IL1RAPL1: variants seen among roughly 807,000 people sequenced by gnomAD.
IL1RAPL1 encodes the protein interleukin 1 receptor accessory protein like 1.
A neutral mutation model predicts 48.4 loss-of-function variants in IL1RAPL1; 3 were observed. That is an observed-to-expected ratio of 0.06 (90% confidence interval 0.03 to 0.16). IL1RAPL1 has a LOEUF of 0.16. IL1RAPL1 is among the 10% of genes least tolerant of loss of function. IL1RAPL1 has a pLI of 1.00. For missense variants in IL1RAPL1, 349 were observed against 530.6 expected, an observed-to-expected ratio of 0.66 and a Z score of 3.36; for synonymous variants, 185 against 187.7, an observed-to-expected ratio of 0.99 and a Z score of 0.12.
At chrX:29,335,490 ACT>A (rs1449561478) in intron 3 of IL1RAPL1, among the ~76,000 whole-genome samples, 4 of 109,166 alleles carry the variant, frequency 3.7e-5, no homozygotes, top group African/African-American at 1.3e-4. Flanking sequence ...AAATGAAACA[ACT>A]CTTTATCTAT....
In IL1RAPL1 at chrX:29,482,137, A is replaced by G. The variant is rs190926281; in HGVS notation, c.703+82829A>G. ...TTAAAAAACCATCCATGTTCCTTCTACTCATCATTAACCACTATGAACTTG... is the reference window on the plus strand; with the variant it reads ...TTAAAAAACCATCCATGTTCCTTCTGCTCATCATTAACCACTATGAACTTG... On this transcript the variant is annotated intron_variant, in intron 5 of 10. Transcript: ENST00000378993. 2.6e-4 allele frequency among the ~76,000 whole-genome samples: 29 copies of G among 112,112 alleles called. 1 individual carries two copies. The East Asian group carries it at 7.6e-3, about 29-fold the overall frequency.
chrX:29,463,232 A>T, intron 5 of IL1RAPL1, among the ~76,000 whole-genome samples: 1 of 111,688 alleles, frequency 9.0e-6, no homozygotes, highest in Non-Finnish European at 1.9e-5. Context: ...CCAAAGAAAG[A>T]TAGACAAATA....
At chrX:29,599,651 A>C (rs958754662) in intron 5 of IL1RAPL1, among the ~76,000 whole-genome samples, 3 of 112,422 alleles carry the variant, frequency 2.7e-5, no homozygotes, top group Non-Finnish European at 5.6e-5. Context: ...CAAGAACACC[A>C]ATTATTCTTA....
chrX:29,372,590 A>G (rs769568384), intron 3 of IL1RAPL1, among the ~76,000 whole-genome samples: 35 of 110,943 alleles, frequency 3.2e-4, no homozygotes, highest in African/African-American at 1.0e-3. Context: ...TAATTTTTGC[A>G]TATGGTGAAA....
At chrX:28,614,225 A>C (rs1481337822) in intron 1 of IL1RAPL1, among the ~76,000 whole-genome samples, 1 of 111,745 alleles carries the variant, frequency 8.9e-6, no homozygotes, top group Non-Finnish European at 1.9e-5. Context: ...TTAAAGAAAT[A>C]TGAAATGCAT....
At chrX:29,429,872 GTA>G (rs1200651796) in intron 5 of IL1RAPL1, among the ~76,000 whole-genome samples, 10 of 82,944 alleles carry the variant, frequency 1.2e-4, no homozygotes, top group African/African-American at 4.9e-4. Context: ...TAATTATAGT[GTA>G]TATATATGTG....
chrX:29,509,146 TAAGAC>T (rs1343588364), intron 5 of IL1RAPL1, among the ~76,000 whole-genome samples: 19 of 112,030 alleles, frequency 1.7e-4, no homozygotes, highest in African/African-American at 5.2e-4. Flanking sequence ...TGGTGGCTGA[TAAGAC>T]AAGTTCAAAA....
At chrX:29,938,771 T>G (rs1270804241) in intron 8 of IL1RAPL1, among the ~76,000 whole-genome samples, 1 of 112,131 alleles carries the variant, frequency 8.9e-6, no homozygotes, top group Non-Finnish European at 1.9e-5. Context: ...GAATCTATTT[T>G]CTGATTTATG....
At chrX:28,964,432 A>G (rs1039606927) in intron 2 of IL1RAPL1, among the ~76,000 whole-genome samples, 2 of 111,646 alleles carry the variant, frequency 1.8e-5, no homozygotes, top group East Asian at 5.6e-4. Flanking sequence ...CACGAAATTA[A>G]CCATTCATTT....
At chrX:29,686,862 G>A (rs1025462590) in intron 6 of IL1RAPL1, among the ~76,000 whole-genome samples, 6 of 110,137 alleles carry the variant, frequency 5.4e-5, no homozygotes, top group Non-Finnish European at 9.5e-5. Context: ...CCAGCCTAAA[G>A]TTTAATTTAT....
chrX:29,362,020 T>A (rs1171407565), intron 3 of IL1RAPL1, among the ~76,000 whole-genome samples: 1 of 112,310 alleles, frequency 8.9e-6, no homozygotes, highest in Non-Finnish European at 1.9e-5. Flanking sequence ...AGTGATATTA[T>A]GTCAACACTA....
At chrX:29,695,626 G>GAA (rs1484338020) in intron 6 of IL1RAPL1, among the ~76,000 whole-genome samples, 1 of 108,433 alleles carries the variant, frequency 9.2e-6, no homozygotes, top group Non-Finnish European at 1.9e-5. Flanking sequence ...GAGAGAGAGA[G>GAA]AAACAGAGAG....
chrX:28,669,638 A>ATATATAACTTATATATATAAATTATT (rs1934924708), intron 1 of IL1RAPL1, among the ~76,000 whole-genome samples: 1 of 103,636 alleles, frequency 9.6e-6, no homozygotes, highest in Non-Finnish European at 1.9e-5. Context: ...TTATATATAT[A>ATATATAACTTATATATATAAATTATT]TATATAACTT....
chrX:28,721,217 T>A (rs1176058704), intron 1 of IL1RAPL1, among the ~76,000 whole-genome samples: 6 of 111,749 alleles, frequency 5.4e-5, no homozygotes, highest in African/African-American at 1.3e-4. Flanking sequence ...CCAACAGTGT[T>A]AAAGTGTTCC....
chrX:28,787,426 A>G (rs1225835632), intron 1 of IL1RAPL1, among the ~76,000 whole-genome samples: 1 of 111,553 alleles, frequency 9.0e-6, no homozygotes, highest in African/African-American at 3.3e-5. Flanking sequence ...TCAGATTTGT[A>G]CTTTAATGTG....
intron 3 of IL1RAPL1, among the ~76,000 whole-genome samples, chrX:29,395,390 A>T (rs1933908728): frequency 8.9e-6 from 1 of 111,884 alleles, no homozygotes; most frequent in Non-Finnish European, 1.9e-5. Flanking sequence ...ATCAGTGTTC[A>T]TTGAATGTCC....
intron 5 of IL1RAPL1, among the ~76,000 whole-genome samples, chrX:29,583,224 C>T (rs1314103458): frequency 1.5e-5 from 1 of 64,822 alleles, no homozygotes; most frequent in Non-Finnish European, 2.9e-5. Flanking sequence ...CCAGGGCAAT[C>T]AGGCAGGAGA....
At chrX:28,598,199 A>G (rs1189156923) in intron 1 of IL1RAPL1, among the ~76,000 whole-genome samples, 1 of 112,519 alleles carries the variant, frequency 8.9e-6, no homozygotes, top group East Asian at 2.8e-4. Context: ...TTTATTTCTA[A>G]CAAGTGTGAA....
At chrX:29,929,488 T>C (rs1932921652) in intron 8 of IL1RAPL1, among the ~76,000 whole-genome samples, 1 of 111,936 alleles carries the variant, frequency 8.9e-6, no homozygotes, top group Non-Finnish European at 1.9e-5. Context: ...TTTTTACACA[T>C]TGTGCCTCAA....
Sources: allele counts gnomAD v4.1 joint callset (sites outside exome capture counted in the v4.1 genomes callset), GRCh38; gene constraint gnomAD v4.1.1; transcripts MANE v1.5; gene names NCBI Gene and HGNC (gene_info 2026-07-23, HGNC 2026-07-21).